The following RADIL variants were observed in gnomAD, a reference collection of about 807,000 sequenced individuals.
RADIL encodes Rap associating with DIL domain, also known as ras-associating and dilute domain-containing protein.
Under a neutral mutation model 97.6 loss-of-function variants are expected in RADIL, and 99 were observed. The ratio of observed to expected loss-of-function variants is 1.01; its 90% CI spans 0.86 to 1.20. The LOEUF (loss-of-function observed/expected upper bound fraction) is 1.20, where lower values mean the gene tolerates loss of function less well. Among genes scored for constraint, RADIL ranks in the 50% most tolerant of loss-of-function variants. The pLI is 0.00. For missense variants in RADIL, 1,765 were observed against 1,498.9 expected (o/e 1.18, Z -2.93); for synonymous variants, 803 against 691.8 (o/e 1.16, Z -2.52).
chr7:4,844,316 G>A (rs913318800), intron 2 of RADIL, among the ~76,000 whole-genome samples: 90 of 151,830 alleles, frequency 5.9e-4, no homozygotes, highest in African/African-American at 2.1e-3. Flanking sequence ...GTGGTGGCAC[G>A]CGCCTGTAGT....
chr7:4,866,351 A>G (rs778760698), intron 2 of RADIL, among the ~76,000 whole-genome samples: 9 of 152,188 alleles, frequency 5.9e-5, no homozygotes, highest in Admixed American at 2.0e-4. Context: ...TCATTTATTT[A>G]TAAATCCATG....
chr7:4,846,290 G>T (rs529611797), intron 2 of RADIL, among the ~76,000 whole-genome samples: 293 of 151,968 alleles, frequency 1.9e-3, no homozygotes, highest in Non-Finnish European at 3.1e-3. Flanking sequence ...GGAATTACGG[G>T]TGCCTGCCTC....
At position 4,834,903 on chromosome 7, in the gene RADIL, C is replaced by G; in HGVS notation, c.1120G>C (p.Ala374Pro). Residue 374 changes from alanine to proline, a missense_variant, in exon 4 of 15, where the codon GCT (alanine) becomes CCT (proline). By Grantham distance (27) the Ala-to-Pro change is conservative (BLOSUM62 -1). Transcript: ENST00000399583. The surrounding 1 kb of genome is among the most constrained non-coding windows in gnomAD (Gnocchi z 6.0). ...CACAGCCGGCAGCTCTGCGGCACAG[C>G]CCGGAGGCGCGCCAAGGCCCGGGCG... ...LPARALARLR[A>P]VPQSCRLCGA... 1 of 1,517,860 alleles carries G rather than the reference C, an allele frequency of 6.6e-7. No homozygotes were observed. The highest frequency in any genetic ancestry group is 8.8e-7 in the Non-Finnish European group (1 of 1,133,284). The allele number at this position is 1,517,860 out of a possible 1,614,324, so 94.0% of individuals were successfully genotyped here. A position where few individuals can be genotyped will look rare whatever the true frequency, so the allele number is the denominator to read the frequency against.
chr7:4,830,469 C>G (rs1783108351), intron 5 of RADIL, among the ~76,000 whole-genome samples: 2 of 152,312 alleles, frequency 1.3e-5, no homozygotes, highest in South Asian at 4.1e-4. Context: ...GGTGCACTAC[C>G]TTACCTCTAA....
chr7:4,852,428 A>G (rs1421506749), intron 2 of RADIL, among the ~76,000 whole-genome samples: 3 of 152,090 alleles, frequency 2.0e-5, no homozygotes, highest in Admixed American at 6.5e-5. Context: ...GCACCTTTTT[A>G]CCTTCCGTTT....
intron 12 of RADIL, 144 bp from the exon 13 acceptor site, chr7:4,800,454 A>G: frequency 1.1e-6 from 1 of 920,812 alleles, no homozygotes; most frequent in Non-Finnish European, 1.5e-6. Context: ...TTCAGGCAGA[A>G]TGTGACCGGC....
In RADIL at chr7:4,815,341, G is replaced by C. The variant is rs1386982780; in HGVS notation, c.2076C>G (p.His692Gln). 2 of 1,557,300 alleles carry C rather than the reference G, an allele frequency of 1.3e-6. No individual in the cohort carries two copies. Among genetic ancestry groups the C allele is most frequent in the Non-Finnish European group, 1.7e-6 (2 of 1,151,846 alleles). ...RSAGFGAAGE[H>Q]FFQKLSCTLN... ...GGGTGCAGGAGAGCTTCTGGAAGAAGTGCTCTCCAGCCGCCCCGAAGCCGG... is the reference window on the plus strand; with the variant it reads ...GGGTGCAGGAGAGCTTCTGGAAGAACTGCTCTCCAGCCGCCCCGAAGCCGG... Residue 692 changes from histidine to glutamine, a missense_variant, in exon 9 of 15, where the codon CAC becomes CAG. By Grantham distance (24) the His-to-Gln change is conservative (BLOSUM62 0). Coordinates refer to ENST00000399583, the MANE Select transcript of RADIL (RefSeq NM_018059.5). This position sits in a 1 kb window ranked among gnomAD's most constrained non-coding sequence, Gnocchi z 8.0.
intron 2 of RADIL, among the ~76,000 whole-genome samples, chr7:4,848,293 T>C (rs1783625957): frequency 1.3e-5 from 2 of 151,608 alleles, no homozygotes; most frequent in Non-Finnish European, 1.5e-5. Context: ...TAAAAATTCA[T>C]TCAATTGTAT....
intron 1 of RADIL, chr7:4,881,969 A>G (rs1252966386): frequency 8.6e-6 from 1 of 116,840 alleles, no homozygotes; most frequent in Non-Finnish European, 1.7e-5. Context: ...TGCTTTTCCC[A>G]CAGTTTCCGG....
intron 2 of RADIL, among the ~76,000 whole-genome samples, chr7:4,843,003 ATTT>A (rs376252570): frequency 3.1e-5 from 4 of 127,320 alleles, no homozygotes; most frequent in Admixed American, 8.0e-5. Context: ...GCAAGAGACA[ATTT>A]TTTTTTTTTT....
chr7:4,855,980 G>C lies in RADIL; in HGVS notation c.536-19375C>G, dbSNP rs945696508. Among the ~76,000 whole-genome samples the C allele has an allele frequency of 5.3e-5, 8 of 151,992 alleles. 1 individual carries two copies. Among genetic ancestry groups the C allele is most frequent in the Admixed American group, 3.9e-4 (6 of 15,248 alleles). ...CCAGCGAATTTTTGTATTTTTAGTA[G>C]AGAAAAATACAAAAGGTGGAGTTTC... is the stretch of plus-strand genomic sequence containing the variant. On this transcript the variant is annotated intron_variant, in intron 2 of 14. Transcript: ENST00000399583.
chr7:4,831,564 T>C (rs1177115032), intron 5 of RADIL, among the ~76,000 whole-genome samples: 2 of 139,772 alleles, frequency 1.4e-5, no homozygotes, highest in African/African-American at 2.7e-5. Context: ...ACTAATAAAA[T>C]TGTGAAGATT....
chr7:4,807,164 G>T (rs1030373686), intron 9 of RADIL, among the ~76,000 whole-genome samples: 1 of 151,970 alleles, frequency 6.6e-6, no homozygotes, highest in African/African-American at 2.4e-5. Flanking sequence ...TCTCTCCCAT[G>T]TGTTTTTCTG....
chr7:4,836,831 A>T lies in RADIL; in HGVS notation c.536-226T>A, dbSNP rs146038853. Among the ~76,000 whole-genome samples, 435 of 152,232 alleles carry T rather than the reference A, an allele frequency of 2.9e-3. 2 individuals are homozygous for T. Among genetic ancestry groups the T allele is most frequent in the Middle Eastern group, 0.02 (6 of 294 alleles). ...TGCGCATCTGTAATCCCAGCTACTC[A>T]GGAGGCTGAGGCACGAGAATGGCTT... On this transcript the variant is annotated intron_variant, in intron 2 of 14. Transcript: ENST00000399583.
chr7:4,816,108 C>G (rs1010130658), intron 8 of RADIL, 120 bp downstream of exon 8: 18 of 891,434 alleles, frequency 2.0e-5, no homozygotes, highest in Middle Eastern at 4.7e-4. Context: ...ACCAGACGCT[C>G]AGGGAGCAGG....
Position 4,837,555 on chromosome 7 carries a change from G to T in RADIL, c.536-950C>A, listed in dbSNP as rs1023676617. Reference sequence around the variant, plus strand: ...AAAGCAGGCACACACACAAACACACGTGTGCATACACATGCCCACAAATAC... The same window carrying T: ...AAAGCAGGCACACACACAAACACACTTGTGCATACACATGCCCACAAATAC... On this transcript the variant is annotated intron_variant, in intron 2 of 14. Coordinates refer to ENST00000399583, the MANE Select transcript of RADIL (RefSeq NM_018059.5). The surrounding 1 kb of genome is among the most constrained non-coding windows in gnomAD (Gnocchi z 5.6). 6.6e-6 allele frequency among the ~76,000 whole-genome samples: 1 copy of T among 151,988 alleles called. No individual in the cohort carries two copies. The highest frequency in any genetic ancestry group is 1.5e-5 in the Non-Finnish European group (1 of 68,010).
In RADIL at chr7:4,879,092, C is replaced by T. The variant is rs1784431367; in HGVS notation, c.-64-889G>A. ...TGGCAGCACTGAGTGGCCTCGCAAG[C>T]ACGGCGGGCACAAAGGGCCCCTCTC... On this transcript the variant is annotated intron_variant, in intron 1 of 14. Coordinates refer to ENST00000399583, the MANE Select transcript of RADIL (RefSeq NM_018059.5). This position sits in a 1 kb window ranked among gnomAD's most constrained non-coding sequence, Gnocchi z 4.1. Among the ~76,000 whole-genome samples, 1 of 152,230 alleles carries T rather than the reference C, an allele frequency of 6.6e-6. No individual in the cohort carries two copies. The highest frequency in any genetic ancestry group is 2.1e-4 in the South Asian group (1 of 4,836).
Position 4,834,667 on chromosome 7 carries a change from C to T in RADIL, c.1356G>A (p.Gln452=). Residue 452 remains glutamine (Q), a synonymous_variant, in exon 4 of 15, where the codon CAG becomes CAA. Transcript: ENST00000399583. This position sits in a 1 kb window ranked among gnomAD's most constrained non-coding sequence, Gnocchi z 6.0. Reference sequence around the variant, plus strand: ...GCAGGAGCTGCCCGAATGTGCCCGGCTGGAAGTGGGTGGCCGAGTGCTGGA... The same window carrying T: ...GCAGGAGCTGCCCGAATGTGCCCGGTTGGAAGTGGGTGGCCGAGTGCTGGA... ...LCIQHSATHF[Q]PGTFGQLLLK... is the part of the protein sequence containing the mutation. The T allele has an allele frequency of 1.5e-6, 2 of 1,370,674 alleles. No individual in the cohort carries two copies. Among genetic ancestry groups the T allele is most frequent in the Non-Finnish European group, 1.9e-6 (2 of 1,055,364 alleles). The allele number at this position is 1,370,674 out of a possible 1,614,324, so 84.9% of individuals were successfully genotyped here.
intron 2 of RADIL, chr7:4,860,134 G>C: frequency 6.2e-7 from 1 of 1,613,970 alleles, no homozygotes; most frequent in East Asian, 2.2e-5. Context: ...TTACAGCCAA[G>C]GCAGGACTGT....
Sources: gnomAD v4.1 joint callset for allele counts (sites outside exome capture counted in the v4.1 genomes callset) on GRCh38, gnomAD v4.1.1 for gene constraint, Gnocchi (gnomAD v3.1) non-coding constraint, MANE v1.5 for transcripts, NCBI Gene and HGNC (gene_info 2026-07-23, HGNC 2026-07-21) for gene names.